Variants in ANO5 observed in about 807,000 individuals in gnomAD.
ANO5 encodes the protein anoctamin 5, also known as anoctamin-5.
In ANO5, 109 loss-of-function variants were observed where a neutral mutation model predicts 121.0. The ratio of observed to expected loss-of-function variants is 0.90; its 90% CI spans 0.77 to 1.06. The LOEUF (loss-of-function observed/expected upper bound fraction) is 1.06. Among genes scored for constraint, ANO5 ranks in the 50% least tolerant of loss-of-function variants. The pLI, the probability that ANO5 is intolerant of heterozygous loss-of-function variation, is 0.00. For missense variants in ANO5, 1,064 were observed against 1,078.5 expected (o/e 0.99, Z 0.19); for synonymous variants, 406 against 359.9 (o/e 1.13, Z -1.45).
At chr11:22,273,858 A>G (rs1043837988) in intron 19 of ANO5, among the ~76,000 whole-genome samples, 1 of 152,122 alleles carries the variant, frequency 6.6e-6, no homozygotes, top group African/African-American at 2.4e-5. Context: ...CCACTTTTTT[A>G]GAAAGCAAAA....
chr11:22,242,122 C>T (rs1402572122), intron 9 of ANO5, among the ~76,000 whole-genome samples: 6 of 152,030 alleles, frequency 3.9e-5, no homozygotes, highest in Non-Finnish European at 5.9e-5. Context: ...TCAGTTATCC[C>T]AGCACCATTT....
chr11:22,211,703 A>G (rs1192054045), intron 3 of ANO5, among the ~76,000 whole-genome samples: 1 of 151,946 alleles, frequency 6.6e-6, no homozygotes, highest in Non-Finnish European at 1.5e-5. Context: ...GTCTTTAAGT[A>G]CATGCCTGAG....
chr11:22,228,437 T>A (rs944022102), intron 7 of ANO5, among the ~76,000 whole-genome samples: 2 of 152,014 alleles, frequency 1.3e-5, no homozygotes, highest in African/African-American at 4.8e-5. Context: ...CATTATGTAA[T>A]GAACAAATTG....
Position 22,279,652 on chromosome 11 carries a change from C to T in ANO5, c.2629C>T (p.His877Tyr), listed in dbSNP as rs866863322. The change falls in exon 22 of 22, where the codon CAT becomes TAT. Residue 877 changes from histidine (H) to tyrosine (Y), a missense_variant. Physicochemically the swap from His to Tyr is moderately conservative, Grantham distance 83. Transcript: ENST00000324559. The stretch of plus-strand genomic sequence containing the variant: ...AAAGTTAATGACTATCAAGATTCTC[C>T]ATGATTTTGAGCTCAACAAATTAAA... ...REKLMTIKIL[H>Y]DFELNKLKEN... 1.2e-6 allele frequency: 2 copies of T among 1,612,584 alleles called. No individual in the cohort carries two copies. Among genetic ancestry groups the T allele is most frequent in the Non-Finnish European group, 1.7e-6 (2 of 1,178,954 alleles).
intron 14 of ANO5, among the ~76,000 whole-genome samples, chr11:22,259,272 TGA>T (rs556873234): frequency 9.0e-4 from 137 of 152,278 alleles, no homozygotes; most frequent in Non-Finnish European, 7.1e-4. Flanking sequence ...GCCTAGAGGA[TGA>T]GCAATGAATA....
chr11:22,249,183 C>G (rs960428223), intron 9 of ANO5, among the ~76,000 whole-genome samples: 4 of 151,730 alleles, frequency 2.6e-5, no homozygotes, highest in African/African-American at 9.7e-5. Flanking sequence ...CAGAAAGATG[C>G]CTATTAATAT....
In ANO5 at chr11:22,203,822, A is replaced by G; in HGVS notation, c.59A>G (p.His20Arg). The G allele has an allele frequency of 6.8e-7, 1 of 1,475,066 alleles. No homozygotes were observed. The highest frequency in any genetic ancestry group is 9.4e-7 in the Non-Finnish European group (1 of 1,059,494). The allele number at this position is 1,475,066 out of a possible 1,614,324, so 91.4% of individuals were successfully genotyped here. A position where few individuals can be genotyped will look rare whatever the true frequency, so the allele number is the denominator to read the frequency against. ...AATTTAGGGGAAAAAGTCAATAAGC[A>G]TATAGACTACTCTTTCCAAATGAGT... ...LAEEGEKVNKHIDYSFQMSEQ... is the reference protein window; with the variant it reads ...LAEEGEKVNKRIDYSFQMSEQ... Residue 20 changes from histidine to arginine, a missense_variant, in exon 2 of 22, where the codon CAT becomes CGT. Transcript: ENST00000324559.
chr11:22,211,097 T>A (rs1342266629), intron 2 of ANO5, among the ~76,000 whole-genome samples, 167 bp from the exon 3 acceptor site: 1 of 151,956 alleles, frequency 6.6e-6, no homozygotes, highest in African/African-American at 2.4e-5. Context: ...TGAACACACA[T>A]GCACATGCAT....
chr11:22,193,936 C>T (rs956760414), intron 1 of ANO5, among the ~76,000 whole-genome samples: 2 of 152,218 alleles, frequency 1.3e-5, no homozygotes, highest in Non-Finnish European at 2.9e-5. Context: ...GTATAGAGTG[C>T]AAGACAGCTA....
chr11:22,208,104 C>G (rs1021116520), intron 2 of ANO5, among the ~76,000 whole-genome samples: 2 of 152,014 alleles, frequency 1.3e-5, no homozygotes, highest in African/African-American at 2.4e-5. Context: ...TACAGTCACT[C>G]TGGAAAACTG....
At chr11:22,267,524 A>ATAT (rs141657651) in intron 17 of ANO5, among the ~76,000 whole-genome samples, 3 of 144,606 alleles carry the variant, frequency 2.1e-5, no homozygotes, top group African/African-American at 5.6e-5. Context: ...ATATATATAT[A>ATAT]AAATCTATCT....
chr11:22,237,660 C>G (rs180829484), intron 8 of ANO5, among the ~76,000 whole-genome samples: 79 of 152,186 alleles, frequency 5.2e-4, no homozygotes, highest in African/African-American at 1.9e-3. Flanking sequence ...AGAATTTACT[C>G]CAGGTCAGTT....
chr11:22,281,287 G>A lies in ANO5; in HGVS notation c.*1522G>A, dbSNP rs1016665734. 3.3e-5 allele frequency: 5 copies of A among 151,978 alleles called. No homozygotes were observed. Among genetic ancestry groups the A allele is most frequent in the African/African-American group, 1.2e-4 (5 of 41,402 alleles). The allele number at this position is 151,978 out of a possible 1,614,324, so 9.4% of individuals were successfully genotyped here. A position where few individuals can be genotyped will look rare whatever the true frequency, so the allele number is the denominator to read the frequency against. On this transcript the variant is annotated 3_prime_UTR_variant, in exon 22 of 22. Transcript: ENST00000324559. ...AATGCTAATAAATTATTGTGGTACT[G>A]CCAGTATTAAATATATGGCAGATGG...
chr11:22,209,101 G>A (rs559872225), intron 2 of ANO5, among the ~76,000 whole-genome samples: 11 of 151,852 alleles, frequency 7.2e-5, no homozygotes, highest in Non-Finnish European at 1.3e-4. Context: ...AAGAATTGTA[G>A]GTTCATTATT....
chr11:22,250,932 G>A lies in ANO5; in HGVS notation c.1120-19G>A. The A allele has an allele frequency of 1.2e-6, 2 of 1,610,370 alleles. No homozygotes were observed. Among genetic ancestry groups the A allele is most frequent in the Non-Finnish European group, 8.5e-7 (1 of 1,177,100 alleles). On this transcript the variant is annotated intron_variant, in intron 11 of 21. Coordinates refer to ENST00000324559, the MANE Select transcript of ANO5 (RefSeq NM_213599.3). ...AGTACTAAATTATCTTTGTGATATT[G>A]TTATTGTTATTTTTACAGTTCTCCC...
chr11:22,270,077 T>C (rs1332385797), intron 17 of ANO5, among the ~76,000 whole-genome samples: 1 of 152,120 alleles, frequency 6.6e-6, no homozygotes, highest in Non-Finnish European at 1.5e-5. Flanking sequence ...CTGAGCAGAG[T>C]AAAGATTGTC....
intron 12 of ANO5, among the ~76,000 whole-genome samples, chr11:22,253,756 T>A (rs1016707348): frequency 6.6e-6 from 1 of 152,208 alleles, no homozygotes; most frequent in Admixed American, 6.5e-5. Flanking sequence ...ATCTGAAGTC[T>A]ACTTTCGTAG....
chr11:22,267,899 T>C (rs1045064243), intron 17 of ANO5, among the ~76,000 whole-genome samples: 1 of 152,174 alleles, frequency 6.6e-6, no homozygotes, highest in Non-Finnish European at 1.5e-5. Context: ...CTAAGGATAA[T>C]GGCCTCCAGC....
chr11:22,245,664 G>A (rs761115457), intron 9 of ANO5, among the ~76,000 whole-genome samples: 5 of 151,932 alleles, frequency 3.3e-5, no homozygotes, highest in African/African-American at 4.8e-5. Flanking sequence ...TTTTATGGAC[G>A]TGGCCTACCT....
Sources: allele counts gnomAD v4.1 joint callset (sites outside exome capture counted in the v4.1 genomes callset), GRCh38; gene constraint gnomAD v4.1.1; transcripts MANE v1.5; gene names NCBI Gene and HGNC (gene_info 2026-07-23, HGNC 2026-07-21).